GRIK3: variants seen among roughly 807,000 people sequenced by gnomAD.
The protein encoded by GRIK3 is glutamate ionotropic receptor kainate type subunit 3.
Under a neutral mutation model 102.5 loss-of-function variants are expected in GRIK3, and 29 were observed. The ratio of observed to expected loss-of-function variants is 0.28; its 90% CI spans 0.21 to 0.39. The LOEUF (loss-of-function observed/expected upper bound fraction) is 0.39. GRIK3 is among the 10% of genes least tolerant of loss of function. GRIK3 has a pLI of 1.00. For synonymous variants in GRIK3, 511 were observed against 504.9 expected (o/e 1.01, Z -0.16); for missense variants, 908 against 1,252.4 (o/e 0.73, Z 4.15).
chr1:36,855,156 T>G (rs112072364), intron 7 of GRIK3, among the ~76,000 whole-genome samples: 32 of 151,568 alleles, frequency 2.1e-4, no homozygotes, highest in African/African-American at 7.0e-4. Context: ...AGAGAGAGGG[T>G]AGGGGAGGGA....
At chr1:37,005,424 T>C (rs74802755) in intron 1 of GRIK3, among the ~76,000 whole-genome samples, 6,278 of 152,298 alleles carry the variant, frequency 0.041, 319 homozygotes, top group African/African-American at 0.12. Flanking sequence ...AAGGCATGCT[T>C]ATGTCCTAGA....
At position 36,880,455 on chromosome 1, in the gene GRIK3, G is replaced by T. The variant is rs1384374695; in HGVS notation, c.550+179C>A. 1.3e-5 allele frequency among the ~76,000 whole-genome samples: 2 copies of T among 152,086 alleles called. No homozygotes were observed. Among genetic ancestry groups the T allele is most frequent in the African/African-American group, 4.8e-5 (2 of 41,398 alleles). ...GCTGAGTGAGATATGAGTGCCGCTGGGGTGCACAGGGTGTGAGTGGGTGCA... is the reference window on the plus strand; with the variant it reads ...GCTGAGTGAGATATGAGTGCCGCTGTGGTGCACAGGGTGTGAGTGGGTGCA... On this transcript the variant is annotated intron_variant, in intron 3 of 15. Transcript: ENST00000373091. The surrounding 1 kb of genome is among the most constrained non-coding windows in gnomAD (Gnocchi z 5.4).
intron 1 of GRIK3, among the ~76,000 whole-genome samples, chr1:36,959,372 AGT>A (rs1641971209): frequency 8.7e-6 from 1 of 114,452 alleles, no homozygotes; most frequent in African/African-American, 3.2e-5. Context: ...GTGCCCTGTG[AGT>A]CTGTGTGCCC....
intron 1 of GRIK3, among the ~76,000 whole-genome samples, chr1:37,021,071 T>C (rs1557466318): frequency 2.0e-5 from 3 of 151,690 alleles, no homozygotes; most frequent in East Asian, 1.9e-4. Context: ...AGACTGCAAA[T>C]GTAAAACTTC....
Position 37,017,092 on chromosome 1 carries a change from G to A in GRIK3, c.115+16902C>T, listed in dbSNP as rs552420765. On this transcript the variant is annotated intron_variant, in intron 1 of 15. Coordinates refer to ENST00000373091, the MANE Select transcript of GRIK3 (RefSeq NM_000831.4). The stretch of plus-strand genomic sequence containing the variant: ...TAGCTGGGTATGATGGCACACACCT[G>A]TAGTCCCAGCTACTTGGGACAGCTG... Among the ~76,000 whole-genome samples, 13 of 152,016 alleles carry A rather than the reference G, an allele frequency of 8.6e-5. No individual in the cohort carries two copies. The South Asian group carries it at 2.7e-3, about 32-fold the overall frequency.
chr1:36,803,267 C>G (rs1430266065), intron 15 of GRIK3, among the ~76,000 whole-genome samples: 1 of 151,942 alleles, frequency 6.6e-6, no homozygotes, highest in African/African-American at 2.4e-5. Context: ...GCAGCATGTG[C>G]AAAGGGCCTA....
intron 1 of GRIK3, among the ~76,000 whole-genome samples, chr1:36,918,912 G>A (rs1047031587): frequency 2.6e-5 from 4 of 152,112 alleles, no homozygotes; most frequent in Non-Finnish European, 4.4e-5. Flanking sequence ...ACTATTCATC[G>A]AACACCAATG....
At position 36,806,912 on chromosome 1, in the gene GRIK3, A is replaced by G. The variant is rs1557687503; in HGVS notation, c.2092-586T>C. On this transcript the variant is annotated intron_variant, in intron 13 of 15. Transcript: ENST00000373091. The surrounding 1 kb of genome is among the most constrained non-coding windows in gnomAD (Gnocchi z 4.0). ...GGTGGAGGGGGAGAGACAGCTGCTC[A>G]TCGGGGCAAAGCTGAGTGGGTCCTG... Among the ~76,000 whole-genome samples, 1 of 152,162 alleles carries G rather than the reference A, an allele frequency of 6.6e-6. No homozygotes were observed. The highest frequency in any genetic ancestry group is 1.5e-5 in the Non-Finnish European group (1 of 68,020).
rs181361408 is a variant in GRIK3 at position 36,952,261 on chromosome 1, G to A, written c.116-61165C>T. 1.6e-3 allele frequency among the ~76,000 whole-genome samples: 247 copies of A among 152,272 alleles called. 1 individual carries two copies. Among genetic ancestry groups the A allele is most frequent in the Non-Finnish European group, 2.9e-3 (196 of 68,028 alleles). On this transcript the variant is annotated intron_variant, in intron 1 of 15. Transcript: ENST00000373091. ...TGTCTCCTCAGGGCCCACGATGTCC[G>A]TTAGGGCCTCCTCCTGACCACTGTC...
chr1:36,856,203 C>G (rs1640649489), intron 7 of GRIK3, among the ~76,000 whole-genome samples: 1 of 152,242 alleles, frequency 6.6e-6, no homozygotes, highest in Non-Finnish European at 1.5e-5. Flanking sequence ...CGCCTTCAGG[C>G]TATCTCTTGG....
chr1:36,957,954 C>G (rs1641943310), intron 1 of GRIK3, among the ~76,000 whole-genome samples: 1 of 67,702 alleles, frequency 1.5e-5, no homozygotes, highest in African/African-American at 8.0e-5. Flanking sequence ...TGTCCCATGA[C>G]TCTGTGCCCC....
chr1:36,882,334 C>G (rs1161626434), intron 2 of GRIK3, among the ~76,000 whole-genome samples: 1 of 152,182 alleles, frequency 6.6e-6, no homozygotes, highest in African/African-American at 2.4e-5. Flanking sequence ...TTTCCACCGG[C>G]CTGGGATGGT....
chr1:36,900,334 T>A (rs1230487273), intron 1 of GRIK3, among the ~76,000 whole-genome samples: 2 of 152,062 alleles, frequency 1.3e-5, no homozygotes, highest in African/African-American at 4.8e-5. Flanking sequence ...CTTCTCCTCC[T>A]CCTCCTTGTT....
chr1:36,842,350 C>G (rs75330356), intron 9 of GRIK3, among the ~76,000 whole-genome samples: 1 of 152,146 alleles, frequency 6.6e-6, no homozygotes, highest in African/African-American at 2.4e-5. Context: ...TTCTCAGGCC[C>G]CACCCCAGAC....
chr1:36,946,484 G>A lies in GRIK3; in HGVS notation c.116-55388C>T, dbSNP rs3767085. Among the ~76,000 whole-genome samples the A allele has an allele frequency of 3.9e-4, 59 of 152,312 alleles. No homozygotes were observed. The East Asian group carries it at 0.011, about 28-fold the overall frequency. The stretch of plus-strand genomic sequence containing the variant: ...TTCTGGAGTGGGGCTATGGACACTC[G>A]GGCATGCCCATTATCAGGAAGGACT... On this transcript the variant is annotated intron_variant, in intron 1 of 15. Coordinates refer to ENST00000373091, the MANE Select transcript of GRIK3 (RefSeq NM_000831.4).
chr1:37,025,420 G>A (rs1331430681), intron 1 of GRIK3, among the ~76,000 whole-genome samples: 2 of 152,200 alleles, frequency 1.3e-5, no homozygotes, highest in African/African-American at 4.8e-5. Context: ...GCATCTTAAT[G>A]AGTGCTTTGG....
chr1:36,901,307 C>A (rs1250863104), intron 1 of GRIK3, among the ~76,000 whole-genome samples: 1 of 152,034 alleles, frequency 6.6e-6, no homozygotes, highest in Non-Finnish European at 1.5e-5. Context: ...AAATTGAATC[C>A]AATCATGTAT....
chr1:36,928,428 T>C (rs1367542787), intron 1 of GRIK3, among the ~76,000 whole-genome samples: 1 of 152,174 alleles, frequency 6.6e-6, no homozygotes, highest in Non-Finnish European at 1.5e-5. Flanking sequence ...GTATACCAGA[T>C]TGTCTGAATC....
intron 1 of GRIK3, among the ~76,000 whole-genome samples, chr1:36,961,928 C>G (rs1642015264): frequency 6.6e-6 from 1 of 152,324 alleles, no homozygotes; most frequent in Non-Finnish European, 1.5e-5. Flanking sequence ...GACAGAGAAA[C>G]CCAGCCAGAT....
Sources: gnomAD v4.1 joint callset for allele counts (sites outside exome capture counted in the v4.1 genomes callset) on GRCh38, gnomAD v4.1.1 for gene constraint, Gnocchi (gnomAD v3.1) non-coding constraint, MANE v1.5 for transcripts, NCBI Gene and HGNC (gene_info 2026-07-23, HGNC 2026-07-21) for gene names.